PAK1: variants seen among roughly 807,000 people sequenced by gnomAD.
PAK1 encodes p21 (RAC1) activated kinase 1.
Under a neutral mutation model 67.4 loss-of-function variants are expected in PAK1, and 29 were observed. The ratio of observed to expected loss-of-function variants is 0.43; its 90% CI spans 0.32 to 0.59. The LOEUF (loss-of-function observed/expected upper bound fraction) is 0.59, where lower values mean the gene tolerates loss of function less well. PAK1 is among the 20% of genes least tolerant of loss of function. The pLI is 0.07. For synonymous variants in PAK1, 223 were observed against 237.4 expected, an observed-to-expected ratio of 0.94 and a Z score of 0.56; for missense variants, 337 against 670.7, an observed-to-expected ratio of 0.50 and a Z score of 5.50.
the PAK1 span, among the ~76,000 whole-genome samples, chr11:77,523,326 G>A: frequency 6.6e-6 from 1 of 152,078 alleles, no homozygotes; most frequent in Admixed American, 6.6e-5. Context: ...TCAAGGAGAG[G>A]GAAGGATATA....
At chr11:77,501,330 C>T in the PAK1 span, among the ~76,000 whole-genome samples, 8 of 152,242 alleles carry the variant, frequency 5.3e-5, no homozygotes, top group South Asian at 2.1e-4. Flanking sequence ...GGAGCTTCCC[C>T]GGCCCTTCAC....
intron 1 of PAK1, among the ~76,000 whole-genome samples, chr11:77,399,468 T>C (rs1035815541): frequency 3.1e-4 from 47 of 152,318 alleles, no homozygotes; most frequent in African/African-American, 1.0e-3. Context: ...TGTGAGCTTT[T>C]TTCTTAAAGC....
chr11:77,473,955 G>A lies in PAK1; in HGVS notation c.-425C>T, dbSNP rs976014198. The A allele has an allele frequency of 6.6e-6, 1 of 151,888 alleles. No homozygotes were observed. The highest frequency in any genetic ancestry group is 6.6e-5 in the Admixed American group (1 of 15,238). The allele number at this position is 151,888 out of a possible 1,614,324, so 9.4% of individuals were successfully genotyped here. A position where few individuals can be genotyped will look rare whatever the true frequency, so the allele number is the denominator to read the frequency against. On this transcript the variant is annotated 5_prime_UTR_variant, in exon 1 of 15. Transcript: ENST00000356341. ...TGGGGGAGGACTGCAGAGCCTGTGA[G>A]GGAAGCGCGATGGGCGAGCGAGGGG...
At chr11:77,467,013 G>A (rs1427654397) in intron 1 of PAK1, among the ~76,000 whole-genome samples, 1 of 152,152 alleles carries the variant, frequency 6.6e-6, no homozygotes, top group East Asian at 1.9e-4. Flanking sequence ...TCTGGGCCCT[G>A]CCTCCTCTCT....
chr11:77,346,969 T>C, intron 9 of PAK1: 2 of 450,504 alleles, frequency 4.4e-6, no homozygotes, highest in Non-Finnish European at 8.9e-6. Flanking sequence ...ACTAACATTC[T>C]TCCTATATGT....
chr11:77,484,918 A>T, the PAK1 span, among the ~76,000 whole-genome samples: 1 of 152,222 alleles, frequency 6.6e-6, no homozygotes, highest in African/African-American at 2.4e-5. Flanking sequence ...GGCAGAAGGC[A>T]AGGAGGAACA....
intron 5 of PAK1, among the ~76,000 whole-genome samples, chr11:77,361,836 T>C (rs1946835000): frequency 6.6e-6 from 1 of 152,172 alleles, no homozygotes; most frequent in African/African-American, 2.4e-5. Flanking sequence ...CTTTTATTCA[T>C]CATATGTTCA....
intron 1 of PAK1, among the ~76,000 whole-genome samples, chr11:77,436,107 G>A (rs1425455463): frequency 3.3e-5 from 5 of 152,106 alleles, no homozygotes; most frequent in Admixed American, 6.6e-5. Flanking sequence ...GACCATGACC[G>A]CCACATCACC....
intron 14 of PAK1, among the ~76,000 whole-genome samples, chr11:77,325,577 T>C (rs1021813228): frequency 1.3e-5 from 2 of 152,226 alleles, no homozygotes; most frequent in African/African-American, 4.8e-5. Context: ...TATAATTTGG[T>C]ATTTAATTAA....
chr11:77,522,415 C>T, the PAK1 span, among the ~76,000 whole-genome samples: 1 of 152,176 alleles, frequency 6.6e-6, no homozygotes, highest in Non-Finnish European at 1.5e-5. Flanking sequence ...AAGGGAAGCA[C>T]ATACCCTTCC....
intron 1 of PAK1, among the ~76,000 whole-genome samples, chr11:77,427,378 AT>A (rs890494940): frequency 1.1e-4 from 16 of 151,892 alleles, no homozygotes; most frequent in East Asian, 3.9e-4. Flanking sequence ...GACAGTGTAG[AT>A]TTTTTTTTAA....
intron 13 of PAK1, among the ~76,000 whole-genome samples, chr11:77,335,358 C>A (rs1250559687): frequency 1.3e-5 from 2 of 152,190 alleles, no homozygotes; most frequent in Non-Finnish European, 2.9e-5. Flanking sequence ...GTCCAATTAA[C>A]ACTTCAAATC....
At chr11:77,397,418 C>T (rs181216853) in intron 1 of PAK1, among the ~76,000 whole-genome samples, 1 of 152,160 alleles carries the variant, frequency 6.6e-6, no homozygotes, top group Admixed American at 6.5e-5. Flanking sequence ...TATAAGCCAT[C>T]GCCCCTGTAG....
chr11:77,444,133 A>G (rs1394207466), intron 1 of PAK1, among the ~76,000 whole-genome samples: 1 of 152,148 alleles, frequency 6.6e-6, no homozygotes, highest in Non-Finnish European at 1.5e-5. Flanking sequence ...CAGACATAAT[A>G]TACCTAGATT....
chr11:77,376,521 G>A (rs1565634167), intron 4 of PAK1, among the ~76,000 whole-genome samples: 3 of 151,994 alleles, frequency 2.0e-5, no homozygotes, highest in Non-Finnish European at 2.9e-5. Flanking sequence ...GGTGGATCAT[G>A]AGGTCAATAG....
At chr11:77,374,621 T>A (rs1260957133) in intron 4 of PAK1, among the ~76,000 whole-genome samples, 1 of 152,218 alleles carries the variant, frequency 6.6e-6, no homozygotes, top group Non-Finnish European at 1.5e-5. Context: ...TAAGTACAGT[T>A]GGGTGTGGCT....
chr11:77,464,591 G>C (rs1957508109), intron 1 of PAK1, among the ~76,000 whole-genome samples: 1 of 152,194 alleles, frequency 6.6e-6, no homozygotes, highest in African/African-American at 2.4e-5. Flanking sequence ...GGAATAAATA[G>C]AAGCACTATA....
At chr11:77,519,690 A>G in the PAK1 span, among the ~76,000 whole-genome samples, 1 of 152,204 alleles carries the variant, frequency 6.6e-6, no homozygotes. Flanking sequence ...TCTGTAAAGA[A>G]CTTTTCCTTA....
chr11:77,457,583 G>T lies in PAK1; in HGVS notation c.-22+15969C>A, dbSNP rs186080587. Among the ~76,000 whole-genome samples the T allele has an allele frequency of 5.9e-5, 9 of 152,276 alleles. No homozygotes were observed. In the East Asian group the frequency reaches 1.7e-3, roughly 29 times the overall value. ...GCTAGAGGCACAGAGAACAAAGGGA[G>T]AGGCAGGAAAGCAACAATTGGCTGA... On this transcript the variant is annotated intron_variant, in intron 1 of 14. Transcript: ENST00000356341.
Sources: gnomAD v4.1 joint callset for allele counts (sites outside exome capture counted in the v4.1 genomes callset) on GRCh38, gnomAD v4.1.1 for gene constraint, MANE v1.5 for transcripts, NCBI Gene and HGNC (gene_info 2026-07-23, HGNC 2026-07-21) for gene names.